The following PDZRN4 variants were observed in gnomAD, a reference collection of about 807,000 sequenced individuals.
PDZRN4 encodes the protein PDZ domain-containing RING finger protein 4.
PDZRN4 carries 70 observed loss-of-function variants against 99.0 expected under a neutral mutation model. The observed-to-expected ratio is 0.71, with a 90% confidence interval of 0.58 to 0.86. PDZRN4 has a LOEUF of 0.86. Ranked by LOEUF, PDZRN4 falls within the 40% of genes least tolerant of loss-of-function variation. The pLI, the probability that PDZRN4 is intolerant of heterozygous loss-of-function variation, is 0.00. For missense variants in PDZRN4, 1,474 were observed against 1,331.2 expected, an observed-to-expected ratio of 1.11 and a Z score of -1.67; for synonymous variants, 551 against 501.6, an observed-to-expected ratio of 1.10 and a Z score of -1.32.
rs1952669283 is a variant in PDZRN4 at position 41,440,471 on chromosome 12, CA to C, written c.844-65984del. On this transcript the variant is annotated intron_variant, in intron 3 of 9. Transcript: ENST00000402685. ...GAATGCAGTTTCTGGTTTATAACTG[CA>C]GTAAACAAACCAAATGTGCTCGCTG... is the stretch of plus-strand genomic sequence containing the variant. Among the ~76,000 whole-genome samples the C allele has an allele frequency of 2.0e-5, 3 of 152,178 alleles. No individual in the cohort carries two copies. In the East Asian group the frequency reaches 5.8e-4, roughly 29 times the overall value.
At chr12:41,281,314 A>G (rs1951384294) in intron 3 of PDZRN4, among the ~76,000 whole-genome samples, 1 of 151,834 alleles carries the variant, frequency 6.6e-6, no homozygotes, top group South Asian at 2.1e-4. Context: ...CTTCTACTCC[A>G]AAGGATCACA....
intron 3 of PDZRN4, among the ~76,000 whole-genome samples, chr12:41,358,594 C>T (rs1274064930): frequency 1.3e-5 from 2 of 151,976 alleles, no homozygotes; most frequent in African/African-American, 2.4e-5. Flanking sequence ...TTGAGTCTGT[C>T]TGATTTCAAA....
chr12:41,434,203 A>G (rs1489650939), intron 3 of PDZRN4, among the ~76,000 whole-genome samples: 1 of 152,160 alleles, frequency 6.6e-6, no homozygotes, highest in African/African-American at 2.4e-5. Context: ...AAACTGGAAT[A>G]TGCACCTGTC....
chr12:41,320,743 GA>G (rs5797725), intron 3 of PDZRN4, among the ~76,000 whole-genome samples: 105,024 of 151,846 alleles, frequency 0.69, 38,964 homozygotes, highest in Middle Eastern at 0.83. Flanking sequence ...ACAATACAGA[GA>G]AAAAAAATCT....
intron 3 of PDZRN4, among the ~76,000 whole-genome samples, chr12:41,410,882 T>C (rs1952393204): frequency 6.6e-6 from 1 of 151,910 alleles, no homozygotes; most frequent in South Asian, 2.1e-4. Context: ...TTGGGGGATA[T>C]TTTCTATTTT....
intron 7 of PDZRN4, among the ~76,000 whole-genome samples, chr12:41,561,762 T>C (rs566039199): frequency 2.0e-5 from 3 of 152,044 alleles, no homozygotes; most frequent in African/African-American, 7.2e-5. Context: ...AGGAGATGAA[T>C]AAACAGGTCC....
intron 3 of PDZRN4, among the ~76,000 whole-genome samples, chr12:41,317,722 T>C (rs1378578669): frequency 6.6e-6 from 1 of 152,178 alleles, no homozygotes; most frequent in African/African-American, 2.4e-5. Context: ...TTTTTTCTAG[T>C]ATTTTCAATG....
chr12:41,478,663 A>G (rs1473673024), intron 3 of PDZRN4, among the ~76,000 whole-genome samples: 3 of 152,202 alleles, frequency 2.0e-5, no homozygotes. Flanking sequence ...ATATGGAGGA[A>G]CAAATACAAC....
intron 3 of PDZRN4, among the ~76,000 whole-genome samples, chr12:41,206,528 C>T (rs1566359397): frequency 6.6e-6 from 1 of 150,560 alleles, no homozygotes; most frequent in Non-Finnish European, 1.5e-5. Flanking sequence ...ATTAATTAAG[C>T]TTAATTAATT....
At chr12:41,555,019 T>C (rs1481787938) in intron 6 of PDZRN4, among the ~76,000 whole-genome samples, 6 of 131,672 alleles carry the variant, frequency 4.6e-5, no homozygotes, top group Admixed American at 2.6e-4. Context: ...CCATCCGGGC[T>C]AACACGGTGA....
chr12:41,198,532 G>C (rs1444458573), intron 3 of PDZRN4, among the ~76,000 whole-genome samples: 1 of 146,452 alleles, frequency 6.8e-6, no homozygotes, highest in Non-Finnish European at 1.5e-5. Context: ...AATTCATAAT[G>C]CAATGCAGCA....
At chr12:41,279,539 T>C (rs1194998267) in intron 3 of PDZRN4, among the ~76,000 whole-genome samples, 1 of 152,196 alleles carries the variant, frequency 6.6e-6, no homozygotes, top group Non-Finnish European at 1.5e-5. Flanking sequence ...GTTTCTATTT[T>C]GGTTTTTCTA....
chr12:41,203,493 G>A (rs1166413267), intron 3 of PDZRN4, among the ~76,000 whole-genome samples: 1 of 151,962 alleles, frequency 6.6e-6, no homozygotes, highest in East Asian at 1.9e-4. Context: ...CCATTTGGTC[G>A]ATTAACCTGA....
chr12:41,428,288 C>T (rs1952555485), intron 3 of PDZRN4, among the ~76,000 whole-genome samples: 1 of 152,162 alleles, frequency 6.6e-6, no homozygotes, highest in Non-Finnish European at 1.5e-5. Context: ...TTATACCACC[C>T]TGTGTTAATT....
chr12:41,191,467 C>G lies in PDZRN4; in HGVS notation c.658C>G (p.His220Asp), dbSNP rs773391932. ...ATACATTTTTTTCTAGGATGGAGAG[C>G]ATAAGCCATTCACTATTGTGTTAGA... Reference protein sequence around the residue: ...LGGGHRRDGEHKPFTIVLERE... With the variant: ...LGGGHRRDGEDKPFTIVLERE... Residue 220 changes from histidine to aspartate, a missense_variant, in exon 2 of 10, where the codon CAT (histidine) becomes GAT (aspartate). Transcript: ENST00000402685. 6.6e-7 allele frequency: 1 copy of G among 1,525,112 alleles called. No individual in the cohort carries two copies. Among genetic ancestry groups the G allele is most frequent in the South Asian group, 1.1e-5 (1 of 88,620 alleles). The allele number at this position is 1,525,112 out of a possible 1,614,324, so 94.5% of individuals were successfully genotyped here. A position where few individuals can be genotyped will look rare whatever the true frequency, so the allele number is the denominator to read the frequency against.
chr12:41,230,117 T>A (rs1026539897), intron 3 of PDZRN4, among the ~76,000 whole-genome samples: 3 of 151,978 alleles, frequency 2.0e-5, no homozygotes, highest in Non-Finnish European at 4.4e-5. Flanking sequence ...TAGTGGACAT[T>A]GCTGCTGGGG....
intron 4 of PDZRN4, among the ~76,000 whole-genome samples, chr12:41,508,216 A>G (rs1012419860): frequency 1.3e-5 from 2 of 152,116 alleles, no homozygotes; most frequent in Non-Finnish European, 2.9e-5. Context: ...CCAGGCTTCT[A>G]GGCCTAAGAG....
At chr12:41,244,651 C>T (rs1218980530) in intron 3 of PDZRN4, among the ~76,000 whole-genome samples, 1 of 148,924 alleles carries the variant, frequency 6.7e-6, no homozygotes, top group African/African-American at 2.5e-5. Context: ...AGGCCTTCAC[C>T]CAAGCACACC....
At chr12:41,548,412 G>C (rs1189643623) in intron 5 of PDZRN4, among the ~76,000 whole-genome samples, 4 of 152,162 alleles carry the variant, frequency 2.6e-5, no homozygotes, top group Non-Finnish European at 5.9e-5. Flanking sequence ...AAAAATGTAA[G>C]ATGATATATG....
Sources: gnomAD v4.1 joint callset for allele counts (sites outside exome capture counted in the v4.1 genomes callset) on GRCh38, gnomAD v4.1.1 for gene constraint, MANE v1.5 for transcripts, NCBI Gene and HGNC (gene_info 2026-07-23, HGNC 2026-07-21) for gene names.